The following E2F2 variants were observed in gnomAD, a reference collection of about 807,000 sequenced individuals.
The protein encoded by E2F2 is E2F transcription factor 2.
Under a neutral mutation model 42.2 loss-of-function variants are expected in E2F2, and 22 were observed. The observed-to-expected ratio is 0.52, with a 90% CI of 0.37 to 0.74. The LOEUF is 0.74. E2F2 is among the 30% of genes least tolerant of loss of function. E2F2 has a pLI of 0.00. For missense variants in E2F2, 481 were observed against 557.8 expected (o/e 0.86, Z 1.39); for synonymous variants, 248 against 251.6 (o/e 0.99, Z 0.13).
chr1:23,521,186 C>T, intron 3 of E2F2, 115 bp from the exon 4 acceptor site: 2 of 1,232,536 alleles, frequency 1.6e-6, no homozygotes, highest in Non-Finnish European at 2.2e-6. Context: ...GTGGTCATGC[C>T]TGTCTCTCAG....
In E2F2 at chr1:23,509,586, C is replaced by G; in HGVS notation, c.*294G>C. On this transcript the variant is annotated 3_prime_UTR_variant, in exon 7 of 7. Transcript: ENST00000361729. ...GGAGGTAGCAGGGCCTTTCCCTGGA[C>G]TTGGCCACCTCACCTGCAGCCTTCT... 1 of 343,576 alleles carries G rather than the reference C, an allele frequency of 2.9e-6. No homozygotes were observed. The highest frequency in any genetic ancestry group is 5.0e-6 in the Non-Finnish European group (1 of 201,026). The allele number at this position is 343,576 out of a possible 1,614,324, so 21.3% of individuals were successfully genotyped here.
chr1:23,506,326 T>A (rs1558227052), downstream of E2F2: 1 of 152,276 alleles, frequency 6.6e-6, no homozygotes, highest in East Asian at 1.9e-4. Context: ...CACTGGGCAA[T>A]CATGTGCCCC....
At chr1:23,518,327 C>T (rs899405125) in intron 5 of E2F2, among the ~76,000 whole-genome samples, 2 of 151,744 alleles carry the variant, frequency 1.3e-5, no homozygotes, top group Non-Finnish European at 2.9e-5. Context: ...AAAACTTAGC[C>T]GGGAGTAGTG....
chr1:23,521,396 G>C (rs538461933), intron 3 of E2F2, among the ~76,000 whole-genome samples: 37 of 152,140 alleles, frequency 2.4e-4, no homozygotes, highest in Non-Finnish European at 4.9e-4. Flanking sequence ...CTATAGGTCA[G>C]CTCTTTAAAC....
chr1:23,510,834 G>GA (rs1391537560), intron 6 of E2F2, among the ~76,000 whole-genome samples: 1 of 152,172 alleles, frequency 6.6e-6, no homozygotes, highest in South Asian at 2.1e-4. Context: ...TTTACAAGGT[G>GA]AAAGGAGTTA....
At position 23,530,942 on chromosome 1, in the gene E2F2, TC is replaced by T. The variant is rs769632488; in HGVS notation, c.-150del. 2 of 1,020,294 alleles carry T rather than the reference TC, an allele frequency of 2.0e-6. No homozygotes were observed. The highest frequency in any genetic ancestry group is 2.7e-6 in the Non-Finnish European group (2 of 746,596). The allele number at this position is 1,020,294 out of a possible 1,614,324, so 63.2% of individuals were successfully genotyped here. On this transcript the variant is annotated 5_prime_UTR_variant, in exon 1 of 7. Transcript: ENST00000361729. This position sits in a 1 kb window ranked among gnomAD's most constrained non-coding sequence, Gnocchi z 4.4. ...ACGCCTGCGGGGCAAGGCCGGACCCTCCCCTCCTGGCCCGCGGCCGAGCAGA... is the reference window on the plus strand; with the variant it reads ...ACGCCTGCGGGGCAAGGCCGGACCCTCCCTCCTGGCCCGCGGCCGAGCAGA...
In E2F2 at chr1:23,508,306, A is replaced by C. The variant is rs1350392132; in HGVS notation, c.*1574T>G. On this transcript the variant is annotated 3_prime_UTR_variant, in exon 7 of 7. Transcript: ENST00000361729. The stretch of plus-strand genomic sequence containing the variant: ...TCAGTCAGCTCAGGAGCCATCCAAC[A>C]AAACCAACTTCATATTTTAAACCAG... 6.6e-6 allele frequency: 1 copy of C among 152,266 alleles called. No homozygotes were observed. Among genetic ancestry groups the C allele is most frequent in the Non-Finnish European group, 1.5e-5 (1 of 68,066 alleles). The allele number at this position is 152,266 out of a possible 1,614,324, so 9.4% of individuals were successfully genotyped here. A position where few individuals can be genotyped will look rare whatever the true frequency, so the allele number is the denominator to read the frequency against.
chr1:23,530,951 G>A lies in E2F2; in HGVS notation c.-158C>T. 1 of 924,782 alleles carries A rather than the reference G, an allele frequency of 1.1e-6. No homozygotes were observed. The highest frequency in any genetic ancestry group is 1.8e-5 in the African/African-American group (1 of 57,004). The allele number at this position is 924,782 out of a possible 1,614,324, so 57.3% of individuals were successfully genotyped here. A position where few individuals can be genotyped will look rare whatever the true frequency, so the allele number is the denominator to read the frequency against. ...GGGCAAGGCCGGACCCTCCCCTCCT[G>A]GCCCGCGGCCGAGCAGAGAGCAGCG... On this transcript the variant is annotated 5_prime_UTR_variant, in exon 1 of 7. Transcript: ENST00000361729. The surrounding 1 kb of genome is among the most constrained non-coding windows in gnomAD (Gnocchi z 4.4).
chr1:23,528,215 G>A (rs758169721), intron 1 of E2F2, among the ~76,000 whole-genome samples: 1 of 152,256 alleles, frequency 6.6e-6, no homozygotes, highest in Non-Finnish European at 1.5e-5. Flanking sequence ...TGGACAGGGA[G>A]CCAGGAGATC....
At chr1:23,513,577 T>G (rs914589554) in intron 6 of E2F2, among the ~76,000 whole-genome samples, 58 of 144,658 alleles carry the variant, frequency 4.0e-4, no homozygotes, top group African/African-American at 1.5e-3. Flanking sequence ...TGTGTGTGTG[T>G]GTGTGTGTGT....
chr1:23,530,568 G>A lies in E2F2; in HGVS notation c.226C>T (p.Arg76Ter), dbSNP rs754304986. Residue 76 changes from arginine to a stop codon, truncating the protein, a stop_gained, in exon 1 of 7, where the codon CGA (arginine) becomes TGA (stop). Coordinates refer to ENST00000361729, the MANE Select transcript of E2F2 (RefSeq NM_004091.4). LOFTEE classifies it high-confidence loss of function. This position sits in a 1 kb window ranked among gnomAD's most constrained non-coding sequence, Gnocchi z 4.4. ...GGCAGCCGGCCTGCCGGCAGGCATCGCACAACTTGGCCCTCGGGTCCGTGG... is the reference window on the plus strand; with the variant it reads ...GGCAGCCGGCCTGCCGGCAGGCATCACACAACTTGGCCCTCGGGTCCGTGG... ...TPHGPEGQVVRCLPAGRLPAK... is the reference protein window; with the variant it reads ...TPHGPEGQVV 2.2e-5 allele frequency: 36 copies of A among 1,611,818 alleles called. No homozygotes were observed. Among genetic ancestry groups the A allele is most frequent in the African/African-American group, 4.0e-5 (3 of 74,904 alleles).
chr1:23,519,250 C>T (rs3218175), intron 4 of E2F2, 120 bp from the exon 5 acceptor site: 46,156 of 600,066 alleles, frequency 0.077, 3,494 homozygotes, highest in South Asian at 0.28. Flanking sequence ...ACTCCTTGTA[C>T]AACTTAGAAA....
At chr1:23,516,228 C>T in intron 6 of E2F2, 107 bp downstream of exon 6, 1 of 1,353,508 alleles carries the variant, frequency 7.4e-7, no homozygotes, top group Non-Finnish European at 9.6e-7. Context: ...TGACTACATC[C>T]CCAGCTGCTG....
At chr1:23,515,560 ATTTTT>A (rs1215603010) in intron 6 of E2F2, among the ~76,000 whole-genome samples, 1 of 151,678 alleles carries the variant, frequency 6.6e-6, no homozygotes, top group African/African-American at 2.4e-5. Context: ...TTATTATTTT[ATTTTT>A]ATTAGAGATG....
At chr1:23,514,056 G>A (rs148423318) in intron 6 of E2F2, among the ~76,000 whole-genome samples, 23 of 151,956 alleles carry the variant, frequency 1.5e-4, no homozygotes, top group African/African-American at 4.8e-4. Flanking sequence ...CTTGGGAGGC[G>A]GAGGTTGCAG....
At position 23,525,161 on chromosome 1, in the gene E2F2, G is replaced by A. The variant is rs1007007749; in HGVS notation, c.253-673C>T. ...GAGGGGCAGACAATGAATCCTTCCC[G>A]TGTCTTAAGGACAAGCAGCTGAGGC... On this transcript the variant is annotated intron_variant, in intron 1 of 6. Coordinates refer to ENST00000361729, the MANE Select transcript of E2F2 (RefSeq NM_004091.4). Among the ~76,000 whole-genome samples the A allele has an allele frequency of 7.4e-4, 113 of 151,722 alleles. 1 individual carries two copies. The highest frequency in any genetic ancestry group is 2.5e-3 in the African/African-American group (104 of 41,490).
chr1:23,529,818 G>A (rs1190635739), intron 1 of E2F2, among the ~76,000 whole-genome samples: 4 of 151,858 alleles, frequency 2.6e-5, no homozygotes, highest in African/African-American at 4.8e-5. Context: ...TGATTCACAC[G>A]GGCTCCAGGA....
chr1:23,530,422 C>T lies in E2F2; in HGVS notation c.252+120G>A. The T allele has an allele frequency of 7.3e-7, 1 of 1,371,178 alleles. No individual in the cohort carries two copies. The highest frequency in any genetic ancestry group is 9.7e-7 in the Non-Finnish European group (1 of 1,029,704). The allele number at this position is 1,371,178 out of a possible 1,614,324, so 84.9% of individuals were successfully genotyped here. ...GGCACTGGGTCCTGGAAACTGAAAG[C>T]TCATCTTCCCTCTTCCCAAAACTCT... On this transcript the variant is annotated intron_variant, in intron 1 of 6. Transcript: ENST00000361729. The surrounding 1 kb of genome is among the most constrained non-coding windows in gnomAD (Gnocchi z 4.4).
At chr1:23,524,607 C>T (rs1472099492) in intron 1 of E2F2, 119 bp from the exon 2 acceptor site, 7 of 780,374 alleles carry the variant, frequency 9.0e-6, no homozygotes, top group Admixed American at 5.2e-5. Context: ...CTCAGTTTAC[C>T]GCCAGTCCTG....
Sources: allele counts gnomAD v4.1 joint callset (sites outside exome capture counted in the v4.1 genomes callset), GRCh38; gene constraint gnomAD v4.1.1; non-coding constraint Gnocchi (gnomAD v3.1); transcripts MANE v1.5; gene names NCBI Gene and HGNC (gene_info 2026-07-23, HGNC 2026-07-21).